The following LRP1B variants were observed in gnomAD, a reference collection of about 807,000 sequenced individuals.
The protein encoded by LRP1B is LDL receptor related protein 1B.
In LRP1B, 217 loss-of-function variants were observed where a neutral mutation model predicts 556.6. That is an observed-to-expected ratio of 0.39 (90% CI 0.35 to 0.44). The LOEUF is 0.44. Among genes scored for constraint, LRP1B ranks in the 20% least tolerant of loss-of-function variants. The probability of loss-of-function intolerance (pLI) is 1.00; values close to 1 mark genes in which losing one functional copy is unlikely to be tolerated. For missense variants in LRP1B, 5,053 were observed against 5,620.8 expected, an observed-to-expected ratio of 0.90 and a Z score of 3.23; for synonymous variants, 2,047 against 1,865.8, an observed-to-expected ratio of 1.10 and a Z score of -2.50.
intron 66 of LRP1B, among the ~76,000 whole-genome samples, chr2:140,420,851 TG>T (rs1464414712): frequency 6.6e-6 from 1 of 152,088 alleles, no homozygotes. Flanking sequence ...CAGGAAGCAG[TG>T]GGAGGGAAAT....
intron 1 of LRP1B, among the ~76,000 whole-genome samples, chr2:141,873,242 G>A (rs115823758): frequency 0.17 from 26,145 of 151,852 alleles, 2,271 homozygotes; most frequent in South Asian, 0.19. Flanking sequence ...ACTTGCTTGA[G>A]TCAAGGAGTT....
rs571947791 is a variant in LRP1B, at chr2:140,513,273, C to T, written c.8269+1380G>A. Among the ~76,000 whole-genome samples the T allele has an allele frequency of 9.7e-4, 148 of 152,170 alleles. 3 individuals are homozygous for T. Among genetic ancestry groups the T allele is most frequent in the African/African-American group, 3.0e-3 (124 of 41,548 alleles). ...AATGCAGATGTGGGAGAAGTCAAGT[C>T]TACATGACTTTAGAGACTTTGCCCC... is the stretch of plus-strand genomic sequence containing the variant. On this transcript the variant is annotated intron_variant, in intron 51 of 90. Coordinates refer to ENST00000389484, the MANE Select transcript of LRP1B (RefSeq NM_018557.3).
chr2:141,956,970 ACTT>A (rs905303777), intron 1 of LRP1B, among the ~76,000 whole-genome samples: 30 of 152,100 alleles, frequency 2.0e-4, no homozygotes, highest in African/African-American at 7.2e-4. Flanking sequence ...AGGAGAAAAT[ACTT>A]CTTCCTGTCA....
chr2:141,122,381 C>T (rs1405245682), intron 7 of LRP1B, among the ~76,000 whole-genome samples: 1 of 139,364 alleles, frequency 7.2e-6, no homozygotes, highest in Non-Finnish European at 1.5e-5. Flanking sequence ...CCAGAATCTA[C>T]AAATAACTCA....
intron 52 of LRP1B, 40 bp downstream of exon 52, chr2:140,509,888 A>G (rs750189290): frequency 3.1e-6 from 5 of 1,590,226 alleles, no homozygotes; most frequent in Non-Finnish European, 8.6e-7. Flanking sequence ...GGATGCTGCA[A>G]CAGTTTTCTT....
At chr2:140,459,613 T>G (rs1216943119) in intron 60 of LRP1B, among the ~76,000 whole-genome samples, 1 of 152,218 alleles carries the variant, frequency 6.6e-6, no homozygotes, top group Non-Finnish European at 1.5e-5. Context: ...AGCACTTGGG[T>G]GCACAAGAAC....
intron 3 of LRP1B, among the ~76,000 whole-genome samples, chr2:141,464,600 A>ATT (rs1168356384): frequency 0.01 from 781 of 76,254 alleles, 41 homozygotes; most frequent in East Asian, 0.073. Flanking sequence ...ATATATATAT[A>ATT]TATATATTTT....
chr2:142,023,521 G>A (rs1029939878), intron 1 of LRP1B, among the ~76,000 whole-genome samples: 4 of 152,088 alleles, frequency 2.6e-5, no homozygotes, highest in African/African-American at 9.7e-5. Flanking sequence ...TGTGTTCTTT[G>A]GTCCATTCTT....
At chr2:140,989,279 A>T (rs930192637) in intron 17 of LRP1B, among the ~76,000 whole-genome samples, 8 of 152,144 alleles carry the variant, frequency 5.3e-5, no homozygotes, top group African/African-American at 1.7e-4. Flanking sequence ...TTGTACAAGT[A>T]GTGTGTCGAC....
intron 1 of LRP1B, among the ~76,000 whole-genome samples, chr2:142,121,597 T>G (rs2105013034): frequency 6.6e-6 from 1 of 152,306 alleles, no homozygotes; most frequent in Admixed American, 6.5e-5. Context: ...ATATGTCACT[T>G]ACTCAACAAG....
At chr2:141,300,193 T>C (rs184190731) in intron 3 of LRP1B, among the ~76,000 whole-genome samples, 38 of 152,288 alleles carry the variant, frequency 2.5e-4, no homozygotes, top group African/African-American at 8.4e-4. Flanking sequence ...AATAAATATC[T>C]GTTGAATATG....
Position 141,288,818 on chromosome 2 carries a change from T to C in LRP1B, c.344-34177A>G, listed in dbSNP as rs79651092. ...GGCGTTTGTATTCTTATGGTCTGCC[T>C]CTGAAACTTCCCTTCATATTTCCTC... On this transcript the variant is annotated intron_variant, in intron 3 of 90. Transcript: ENST00000389484. 5.6e-3 allele frequency among the ~76,000 whole-genome samples: 846 copies of C among 152,284 alleles called. 8 individuals carry two copies. Among genetic ancestry groups the C allele is most frequent in the African/African-American group, 0.019 (775 of 41,562 alleles).
At chr2:140,909,585 T>C (rs1171541599) in intron 21 of LRP1B, among the ~76,000 whole-genome samples, 1 of 151,282 alleles carries the variant, frequency 6.6e-6, no homozygotes, top group Non-Finnish European at 1.5e-5. Flanking sequence ...AACTTTTGCA[T>C]TAACATCATA....
rs1692085184 is a variant in LRP1B, at chr2:141,704,984, G to T, written c.205+105295C>A. Among the ~76,000 whole-genome samples the T allele has an allele frequency of 2.0e-5, 3 of 152,050 alleles. No homozygotes were observed. The South Asian group carries it at 6.2e-4, about 32-fold the overall frequency. On this transcript the variant is annotated intron_variant, in intron 2 of 90. Transcript: ENST00000389484. Reference sequence around the variant, plus strand: ...TAGGTTACTGGTTATATAGTAAAAGGTTAATACTTTTTTTGAGACAAAACA... The same window carrying T: ...TAGGTTACTGGTTATATAGTAAAAGTTTAATACTTTTTTTGAGACAAAACA...
chr2:140,671,510 G>A (rs1685484266), intron 41 of LRP1B, among the ~76,000 whole-genome samples: 1 of 152,116 alleles, frequency 6.6e-6, no homozygotes, highest in Admixed American at 6.5e-5. Flanking sequence ...AACAGAGCGA[G>A]ACTCCATCTC....
In LRP1B at chr2:141,468,952, CGCT is replaced by C. The variant is rs879552795; in HGVS notation, c.343+11441_343+11443del. On this transcript the variant is annotated intron_variant, in intron 3 of 90. Transcript: ENST00000389484. ...GCAGATTGATCTCTCTTTGGTCTGC[CGCT>C]TCATGGTTTTTTACAACCACAGTGG... Among the ~76,000 whole-genome samples, 130 of 152,054 alleles carry C rather than the reference CGCT, an allele frequency of 8.5e-4. 1 individual carries two copies. Among genetic ancestry groups the C allele is most frequent in the Non-Finnish European group, 1.6e-3 (111 of 68,006 alleles).
chr2:141,873,104 G>T (rs1698642000), intron 1 of LRP1B, among the ~76,000 whole-genome samples: 2 of 151,982 alleles, frequency 1.3e-5, no homozygotes, highest in African/African-American at 4.8e-5. Flanking sequence ...CAAATGGAAA[G>T]AATGGCACAT....
chr2:141,641,003 T>C (rs1251351425), intron 2 of LRP1B, among the ~76,000 whole-genome samples: 1 of 152,168 alleles, frequency 6.6e-6, no homozygotes, highest in Non-Finnish European at 1.5e-5. Flanking sequence ...TGTTAAATTG[T>C]TAAAATGAAA....
intron 35 of LRP1B, among the ~76,000 whole-genome samples, chr2:140,735,630 A>G (rs950355785): frequency 6.6e-6 from 1 of 152,058 alleles, no homozygotes; most frequent in African/African-American, 2.4e-5. Flanking sequence ...TACCCCTTGG[A>G]CTCGCAGAGT....
Sources: gnomAD v4.1 joint callset for allele counts (sites outside exome capture counted in the v4.1 genomes callset) on GRCh38, gnomAD v4.1.1 for gene constraint, MANE v1.5 for transcripts, NCBI Gene and HGNC (gene_info 2026-07-23, HGNC 2026-07-21) for gene names.